The following RB1CC1 variants were observed in gnomAD, a reference collection of about 807,000 sequenced individuals.
RB1CC1 encodes the protein RB1 inducible coiled-coil 1, also known as RB1-inducible coiled-coil protein 1.
RB1CC1 carries 46 observed loss-of-function variants against 177.5 expected under a neutral mutation model. That is an observed-to-expected ratio of 0.26 (90% CI 0.20 to 0.33). The LOEUF is 0.33. Among genes scored for constraint, RB1CC1 ranks in the 10% least tolerant of loss-of-function variants. The probability of loss-of-function intolerance (pLI) is 1.00; values close to 1 mark genes in which losing one functional copy is unlikely to be tolerated. For synonymous variants in RB1CC1, 666 were observed against 613.6 expected (o/e 1.09, Z -1.26); for missense variants, 1,703 against 1,816.3 (o/e 0.94, Z 1.13).
chr8:52,697,715 TTCTC>T (rs1271910287), intron 1 of RB1CC1, among the ~76,000 whole-genome samples: 1 of 152,212 alleles, frequency 6.6e-6, no homozygotes, highest in Non-Finnish European at 1.5e-5. Flanking sequence ...CACTGTAACA[TTCTC>T]TCTACTTTTG....
At position 52,672,483 on chromosome 8, in the gene RB1CC1, C is replaced by CT. The variant is rs72532835; in HGVS notation, c.1002+1361dup. Among the ~76,000 whole-genome samples the CT allele has an allele frequency of 3.8e-4, 58 of 152,272 alleles. 1 individual carries two copies. The East Asian group carries it at 9.1e-3, about 24-fold the overall frequency. ...ATAGGCCAGGTGCAGTGGCTCATGC[C>CT]TGTAATCCCAGCACTTTGGAAGGCT... On this transcript the variant is annotated intron_variant, in intron 7 of 23. Transcript: ENST00000025008.
rs1172604874 is a variant in RB1CC1, at chr8:52,699,804, C to CA, written c.-166-12838dup. 1.1e-3 allele frequency among the ~76,000 whole-genome samples: 41 copies of CA among 38,546 alleles called. 2 individuals carry two copies. Among genetic ancestry groups the CA allele is most frequent in the African/African-American group, 5.3e-3 (32 of 6,072 alleles). The allele number at this position is 38,546 out of a possible 152,430, so 25.3% of individuals were successfully genotyped here. On this transcript the variant is annotated intron_variant, in intron 1 of 23. Transcript: ENST00000025008. ...ACTGCACTGCAGTGAATCTCCGTCT[C>CA]AAAAAAAAAAAAAAAAAAAAAAAAA...
At chr8:52,655,724 T>TA (rs1851032113) in intron 15 of RB1CC1, among the ~76,000 whole-genome samples, 1 of 151,952 alleles carries the variant, frequency 6.6e-6, no homozygotes, top group Non-Finnish European at 1.5e-5. Flanking sequence ...ACTTATGAAT[T>TA]AAAAAAGGAA....
chr8:52,665,650 G>A (rs1852006624), intron 8 of RB1CC1, among the ~76,000 whole-genome samples: 1 of 152,168 alleles, frequency 6.6e-6, no homozygotes, highest in South Asian at 2.1e-4. Context: ...CAGGAATGCA[G>A]AGTTCTGTCT....
chr8:52,668,128 T>G lies in RB1CC1; in HGVS notation c.1066A>C (p.Asn356His), dbSNP rs771350847. 1.1e-5 allele frequency: 18 copies of G among 1,614,032 alleles called. No individual in the cohort carries two copies. The highest frequency in any genetic ancestry group is 3.3e-5 in the Admixed American group (2 of 60,008). The change falls in exon 8 of 24, where the codon AAT becomes CAT. Residue 356 changes from asparagine (N) to histidine (H), a missense_variant. Around this residue, in one of 6 missense-constraint regions of RB1CC1, gnomAD observed 315 missense variants for 304.9 expected, o/e 1.03. Coordinates refer to ENST00000025008, the MANE Select transcript of RB1CC1 (RefSeq NM_014781.5). Reference protein sequence around the residue: ...ECRQTIAKLDNQNMKAIKGLE... With the variant: ...ECRQTIAKLDHQNMKAIKGLE... ...CCTTTAATGGCTTTCATATTCTGAT[T>G]ATCAAGTTTGGCAATAGTTTGACGG...
chr8:52,678,537 T>A (rs1051502517), intron 5 of RB1CC1, among the ~76,000 whole-genome samples: 14 of 152,142 alleles, frequency 9.2e-5, no homozygotes, highest in African/African-American at 3.4e-4. Flanking sequence ...TATATCAAAG[T>A]CTAGGAAAAT....
At chr8:52,666,382 G>A (rs893759553) in intron 8 of RB1CC1, among the ~76,000 whole-genome samples, 2 of 152,080 alleles carry the variant, frequency 1.3e-5, no homozygotes, top group African/African-American at 4.8e-5. Flanking sequence ...ACCAGGCGTG[G>A]TGGTGCATGC....
chr8:52,673,942 G>C lies in RB1CC1; in HGVS notation c.905C>G (p.Pro302Arg), dbSNP rs749107187. The change falls in exon 7 of 24, where the codon CCC (proline) becomes CGC (arginine). Residue 302 changes from proline (P) to arginine (R), a missense_variant. Transcript: ENST00000025008. ...GTCTAACAAAGAGACATTAAAAAAG[G>C]GCAGATCACCATCTTTAGTGTCAAT... ...TTIDTKDGDL[P>R]FFNVSLLDWI... 1 of 1,613,954 alleles carries C rather than the reference G, an allele frequency of 6.2e-7. No individual in the cohort carries two copies.
intron 11 of RB1CC1, 92 bp downstream of exon 11, chr8:52,660,834 C>G: frequency 8.7e-7 from 1 of 1,151,624 alleles, no homozygotes; most frequent in South Asian, 1.4e-5. Context: ...TGGCAATTAA[C>G]AGCATATACA....
chr8:52,651,500 A>C (rs1452289693), intron 15 of RB1CC1, among the ~76,000 whole-genome samples: 3 of 152,214 alleles, frequency 2.0e-5, no homozygotes, highest in African/African-American at 7.2e-5. Flanking sequence ...ATGATTCCCA[A>C]AGAGTGATCC....
intron 3 of RB1CC1, among the ~76,000 whole-genome samples, chr8:52,685,137 G>A (rs1489255999): frequency 2.6e-5 from 4 of 151,588 alleles, no homozygotes; most frequent in Admixed American, 1.3e-4. Context: ...CCGATTAACT[G>A]GGACTACAGG....
intron 20 of RB1CC1, 142 bp from the exon 21 acceptor site, chr8:52,630,670 A>G: frequency 1.4e-6 from 1 of 735,806 alleles, no homozygotes. Flanking sequence ...TCTTATGTTC[A>G]TTAATAATTC....
rs1182473143 is a variant in RB1CC1 at position 52,645,737 on chromosome 8, G to C, written c.3952C>G (p.Gln1318Glu). 2 of 1,612,750 alleles carry C rather than the reference G, an allele frequency of 1.2e-6. No homozygotes were observed. Among genetic ancestry groups the C allele is most frequent in the Non-Finnish European group, 1.7e-6 (2 of 1,179,532 alleles). Residue 1318 changes from glutamine to glutamate, a missense_variant, in exon 16 of 24, where the codon CAA becomes GAA. Around this residue, in one of 6 missense-constraint regions of RB1CC1, gnomAD observed 1,169 missense variants for 1,184.7 expected, o/e 0.99. Coordinates refer to ENST00000025008, the MANE Select transcript of RB1CC1 (RefSeq NM_014781.5). ...GCAATCAAAGATGTTCGAACATTTTGCATTTCTTCATTCTTTCTTTTTTCT... is the reference window on the plus strand; with the variant it reads ...GCAATCAAAGATGTTCGAACATTTTCCATTTCTTCATTCTTTCTTTTTTCT... ...EQEKRKNEEM[Q>E]NVRTSLIAEQ...
chr8:52,699,804 C>CAAAAAAAAAAAA (rs1172604874), intron 1 of RB1CC1, among the ~76,000 whole-genome samples: 2 of 38,550 alleles, frequency 5.2e-5, no homozygotes, highest in African/African-American at 1.6e-4. Flanking sequence ...ATCTCCGTCT[C>CAAAAAAAAAAAA]AAAAAAAAAA....
Position 52,660,967 on chromosome 8 carries a change from T to G in RB1CC1, c.1586A>C (p.Glu529Ala). The change falls in exon 11 of 24, where the codon GAA becomes GCA. Residue 529 changes from glutamate (E) to alanine (A), a missense_variant. Glu to Ala is a moderately radical substitution (Grantham distance 107, BLOSUM62 -1). Around this residue, in one of 6 missense-constraint regions of RB1CC1, gnomAD observed 1,169 missense variants for 1,184.7 expected, o/e 0.99. Transcript: ENST00000025008. ...GGATTCCCTTTTTGATTTTTCTGCT[T>G]CATATAATCTCTTTCCATCTTTGAC... ...ALVKDGKRLY[E>A]AEKSKRESFG... 6.2e-7 allele frequency: 1 copy of G among 1,613,336 alleles called. No individual in the cohort carries two copies. The highest frequency in any genetic ancestry group is 8.5e-7 in the Non-Finnish European group (1 of 1,179,598).
At position 52,646,420 on chromosome 8, in the gene RB1CC1, A is replaced by G. The variant is rs577986081; in HGVS notation, c.3822-553T>C. On this transcript the variant is annotated intron_variant, in intron 15 of 23. Coordinates refer to ENST00000025008, the MANE Select transcript of RB1CC1 (RefSeq NM_014781.5). ...TGCCTGGGCAACATAAGGAAAAAGT[A>G]TTTTCTGGTAAGGGACTATACACAT... Among the ~76,000 whole-genome samples the G allele has an allele frequency of 4.6e-5, 7 of 151,768 alleles. No homozygotes were observed. In the East Asian group the frequency reaches 1.2e-3, roughly 25 times the overall value.
At position 52,676,411 on chromosome 8, in the gene RB1CC1, T is replaced by C. The variant is rs1853129835; in HGVS notation, c.530A>G (p.Asn177Ser). Residue 177 changes from asparagine (N) to serine (S), a missense_variant, in exon 6 of 24, where the codon AAT (asparagine) becomes AGT (serine). Physicochemically the swap from Asn to Ser is conservative, Grantham distance 46. Transcript: ENST00000025008. The stretch of plus-strand genomic sequence containing the variant: ...GATGTCTTCTATGGACTGCAGATAA[T>C]TTGAATAAATACTTTCAAACTTGAA... ...LLFKFESIYSNYLQSIEDIKL... is the reference protein window; with the variant it reads ...LLFKFESIYSSYLQSIEDIKL... The C allele has an allele frequency of 1.2e-6, 2 of 1,612,542 alleles. No individual in the cohort carries two copies. The highest frequency in any genetic ancestry group is 4.5e-5 in the East Asian group (2 of 44,866).
At chr8:52,688,541 CCT>C (rs2150621126) in intron 1 of RB1CC1, among the ~76,000 whole-genome samples, 1 of 152,228 alleles carries the variant, frequency 6.6e-6, no homozygotes, top group South Asian at 2.1e-4. Context: ...GCTCTCAAAC[CCT>C]GTTTTCTGTT....
rs184629420 is a variant in RB1CC1 at position 52,625,441 on chromosome 8, T to C, written c.4637-654A>G. Among the ~76,000 whole-genome samples, 11 of 152,254 alleles carry C rather than the reference T, an allele frequency of 7.2e-5. No homozygotes were observed. The East Asian group carries it at 2.1e-3, about 29-fold the overall frequency. ...TAAAGCCAAAATGTGACAAGCCAAGTGGTACCCATTCTCTTTTTAAATTCA... is the reference window on the plus strand; with the variant it reads ...TAAAGCCAAAATGTGACAAGCCAAGCGGTACCCATTCTCTTTTTAAATTCA... On this transcript the variant is annotated intron_variant, in intron 22 of 23. Transcript: ENST00000025008.
Sources: allele counts gnomAD v4.1 joint callset (sites outside exome capture counted in the v4.1 genomes callset), GRCh38; gene constraint gnomAD v4.1.1; regional missense constraint gnomAD v4.1.1; transcripts MANE v1.5; gene names NCBI Gene and HGNC (gene_info 2026-07-23, HGNC 2026-07-21).